INSL3: variants seen among roughly 807,000 people sequenced by gnomAD.
INSL3 encodes insulin-like 3.
A neutral mutation model predicts 5.5 loss-of-function variants in INSL3; 6 were observed. The ratio of observed to expected loss-of-function variants is 1.08; its 90% CI spans 0.59 to 2.14. INSL3 has a LOEUF of 2.14. Among genes scored for constraint, INSL3 ranks in the 30% most tolerant of loss-of-function variants. INSL3 has a pLI of 0.00. For synonymous variants in INSL3, 86 were observed against 82.1 expected (o/e 1.05, Z -0.26); for missense variants, 178 against 184.7 (o/e 0.96, Z 0.21).
rs116772834 is a variant in INSL3, at chr19:17,816,573, C to T, written c.*281G>A. The T allele has an allele frequency of 2.7e-3, 1,397 of 514,386 alleles. 19 individuals are homozygous for T. The highest frequency in any genetic ancestry group is 0.024 in the African/African-American group (1,272 of 52,262). 31.9% of individuals were successfully genotyped at this position (514,386 alleles called of 1,614,324 possible). A position where few individuals can be genotyped will look rare whatever the true frequency, so the allele number is the denominator to read the frequency against. ...GAAGGGGTGTTACACATGCAGGGAG[C>T]GGAGCGTCTGGGGCTCCCCTGGAGT... On this transcript the variant is annotated 3_prime_UTR_variant, in exon 2 of 2. Coordinates refer to ENST00000317306, the MANE Select transcript of INSL3 (RefSeq NM_005543.4).
intron 1 of INSL3, among the ~76,000 whole-genome samples, chr19:17,818,622 A>C (rs1389297778): frequency 6.6e-6 from 1 of 151,726 alleles, no homozygotes; most frequent in Non-Finnish European, 1.5e-5. Flanking sequence ...TCAAAAGAAA[A>C]AAAAAAGGAC....
chr19:17,820,855 C>T (rs1300452854), intron 1 of INSL3, among the ~76,000 whole-genome samples: 3 of 151,010 alleles, frequency 2.0e-5, no homozygotes, highest in Admixed American at 2.0e-4. Context: ...ACTCTGTCGC[C>T]CAGGCTGGAG....
chr19:17,821,336 C>CACTCA lies in INSL3; in HGVS notation c.170_171insTGAGT (p.Arg57SerfsTer72). The CACTCA allele has an allele frequency of 6.5e-7, 1 of 1,548,570 alleles. No individual in the cohort carries two copies. The highest frequency in any genetic ancestry group is 2.0e-5 in the Admixed American group (1 of 51,034). The stretch of plus-strand genomic sequence containing the variant: ...ACTCACGGTCGCCTCCGGTCGCAGG[C>CACTCA]CTCCTGGCTTCGGTGGACCAGCGGG... On this transcript the variant is annotated frameshift_variant, in exon 1 of 2. Coordinates refer to ENST00000317306, the MANE Select transcript of INSL3 (RefSeq NM_005543.4). LOFTEE classifies it low-confidence loss of function (END_TRUNC).
Position 17,816,984 on chromosome 19 carries a change from G to A in INSL3, c.266C>T (p.Pro89Leu), listed in dbSNP as rs2094188676. 6.2e-7 allele frequency: 1 copy of A among 1,613,952 alleles called. No homozygotes were observed. Among genetic ancestry groups the A allele is most frequent in the Non-Finnish European group, 8.5e-7 (1 of 1,179,984 alleles). The change falls in exon 2 of 2, where the codon CCT (proline) becomes CTT (leucine). Residue 89 changes from proline to leucine, a missense_variant. Physicochemically the swap from Pro to Leu is moderately conservative, Grantham distance 98 (BLOSUM62 -3). Transcript: ENST00000317306. ...GGTCTGGGGCAGGGGCTGCAGGCCA[G>A]GTCCCAGCGTGAGATTACTGTCGGC... ...LVADSNLTLG[P>L]GLQPLPQTSH...
At position 17,817,526 on chromosome 19, in the gene INSL3, G is replaced by C. The variant is rs1341562266; in HGVS notation, c.191-467C>G. On this transcript the variant is annotated intron_variant, in intron 1 of 1. Coordinates refer to ENST00000317306, the MANE Select transcript of INSL3 (RefSeq NM_005543.4). ...AAGTGAGCACTGGCCCGGCTCAGTGGCTCACGCCTGTAATCCCAGCACTTT... is the reference window on the plus strand; with the variant it reads ...AAGTGAGCACTGGCCCGGCTCAGTGCCTCACGCCTGTAATCCCAGCACTTT... Among the ~76,000 whole-genome samples the C allele has an allele frequency of 2.7e-5, 4 of 148,898 alleles. No individual in the cohort carries two copies. In the East Asian group the frequency reaches 7.9e-4, roughly 29 times the overall value.
At position 17,816,867 on chromosome 19, in the gene INSL3, A is replaced by G; in HGVS notation, c.383T>C (p.Leu128Pro). Residue 128 changes from leucine to proline, a missense_variant, in exon 2 of 2, where the codon CTC becomes CCC. Leu to Pro is a moderately conservative substitution (Grantham distance 98, BLOSUM62 -3). Transcript: ENST00000317306. ...SGCTQQDLLTLCPY is the reference protein window; with the variant it reads ...SGCTQQDLLTPCPY ...CCCAAGGAGGAATCAGTAGGGACAG[A>G]GGGTCAGCAGGTCTTGTTGGGTACA... is the stretch of plus-strand genomic sequence containing the variant. 6.2e-7 allele frequency: 1 copy of G among 1,613,608 alleles called. No homozygotes were observed. The highest frequency in any genetic ancestry group is 1.1e-5 in the South Asian group (1 of 91,054).
At chr19:17,820,849 T>C (rs1373546380) in intron 1 of INSL3, among the ~76,000 whole-genome samples, 1 of 149,964 alleles carries the variant, frequency 6.7e-6, no homozygotes, top group African/African-American at 2.5e-5. Flanking sequence ...AGTTTCACTC[T>C]GTCGCCCAGG....
chr19:17,818,620 A>T (rs1242876374), intron 1 of INSL3, among the ~76,000 whole-genome samples: 2 of 150,488 alleles, frequency 1.3e-5, no homozygotes, highest in African/African-American at 2.4e-5. Context: ...TCTCAAAAGA[A>T]AAAAAAAAGG....
In INSL3 at chr19:17,821,362, G is replaced by T; in HGVS notation, c.145C>A (p.Pro49Thr). Residue 49 changes from proline (P) to threonine (T), a missense_variant, in exon 1 of 2, where the codon CCC becomes ACC. Coordinates refer to ENST00000317306, the MANE Select transcript of INSL3 (RefSeq NM_005543.4). Reference protein sequence around the residue: ...VRALVRVCGGPRWSTEARRPA... With the variant: ...VRALVRVCGGTRWSTEARRPA... Reference sequence around the variant, plus strand: ...CTCCTGGCTTCGGTGGACCAGCGGGGGCCCCCGCACACGCGCACTAGCGCG... The same window carrying T: ...CTCCTGGCTTCGGTGGACCAGCGGGTGCCCCCGCACACGCGCACTAGCGCG... The T allele has an allele frequency of 6.5e-7, 1 of 1,548,894 alleles. No individual in the cohort carries two copies. Among genetic ancestry groups the T allele is most frequent in the Non-Finnish European group, 8.7e-7 (1 of 1,146,588 alleles).
In INSL3 at chr19:17,821,311, A is replaced by T; in HGVS notation, c.190+6T>A. On this transcript the variant is annotated splice_donor_region_variant and intron_variant, in intron 1 of 1. Coordinates refer to ENST00000317306, the MANE Select transcript of INSL3 (RefSeq NM_005543.4). ...CAGAGCGCTGTCCCTGCCCGTCCCC[A>T]CTCACGGTCGCCTCCGGTCGCAGGC... 6.5e-7 allele frequency: 1 copy of T among 1,545,732 alleles called. No homozygotes were observed. The highest frequency in any genetic ancestry group is 8.7e-7 in the Non-Finnish European group (1 of 1,146,578).
intron 1 of INSL3, 66 bp from the exon 2 acceptor site, chr19:17,817,125 T>C (rs2094189021): frequency 6.8e-7 from 1 of 1,468,460 alleles, no homozygotes; most frequent in South Asian, 1.2e-5. Context: ...ATGCTGCATG[T>C]GCACGAATCC....
intron 1 of INSL3, among the ~76,000 whole-genome samples, chr19:17,818,618 G>GA (rs888303556): frequency 7.9e-4 from 114 of 144,080 alleles, no homozygotes; most frequent in Middle Eastern, 3.5e-3. Context: ...TGTCTCAAAA[G>GA]AAAAAAAAAA....
chr19:17,817,655 C>T (rs995134488), intron 1 of INSL3, among the ~76,000 whole-genome samples: 2 of 148,134 alleles, frequency 1.4e-5, no homozygotes, highest in African/African-American at 2.5e-5. Context: ...ATTAGTCAGG[C>T]GTGGTGGTGG....
intron 1 of INSL3, among the ~76,000 whole-genome samples, chr19:17,817,341 C>T (rs1169906449): frequency 4.0e-5 from 6 of 150,278 alleles, no homozygotes; most frequent in African/African-American, 9.8e-5. Context: ...AAAAATTAGC[C>T]GGGTGTGGTG....
intron 1 of INSL3, chr19:17,820,426 G>A: frequency 2.7e-6 from 1 of 377,024 alleles, no homozygotes; most frequent in South Asian, 1.9e-5. Context: ...GGAAGGTCAA[G>A]GTGGGAGGAT....
At chr19:17,819,545 T>G (rs1440986385) in intron 1 of INSL3, among the ~76,000 whole-genome samples, 2 of 150,938 alleles carry the variant, frequency 1.3e-5, no homozygotes, top group African/African-American at 2.4e-5. Context: ...AGGTCAGGAG[T>G]TCAAGACCAG....
intron 1 of INSL3, 166 bp from the exon 2 acceptor site, chr19:17,817,225 C>T: frequency 1.3e-6 from 1 of 752,610 alleles, no homozygotes. Flanking sequence ...CACCTGTAAT[C>T]CCAGCACTTT....
chr19:17,819,481 G>A (rs536942072), intron 1 of INSL3, among the ~76,000 whole-genome samples: 2 of 152,142 alleles, frequency 1.3e-5, no homozygotes, highest in African/African-American at 4.8e-5. Flanking sequence ...CAGGCACAGC[G>A]GCTCACGCTT....
intron 1 of INSL3, among the ~76,000 whole-genome samples, chr19:17,818,022 C>T (rs1438385063): frequency 6.6e-6 from 1 of 151,950 alleles, no homozygotes; most frequent in African/African-American, 2.4e-5. Context: ...CCGTGAGACA[C>T]CCAGAGCAGG....
Sources: gnomAD v4.1 joint callset for allele counts (sites outside exome capture counted in the v4.1 genomes callset) on GRCh38, gnomAD v4.1.1 for gene constraint, MANE v1.5 for transcripts, NCBI Gene and HGNC (gene_info 2026-07-23, HGNC 2026-07-21) for gene names.